ZBTB21: variants seen among roughly 807,000 people sequenced by gnomAD.
The protein encoded by ZBTB21 is zinc finger and BTB domain containing 21, also known as zinc finger and BTB domain-containing protein 21.
Under a neutral mutation model 39.8 loss-of-function variants are expected in ZBTB21, and 10 were observed. That is an observed-to-expected ratio of 0.25 (90% CI 0.16 to 0.43). The LOEUF is 0.43. ZBTB21 is among the 20% of genes least tolerant of loss of function. The pLI, the probability that ZBTB21 is intolerant of heterozygous loss-of-function variation, is 1.00. For synonymous variants in ZBTB21, 551 were observed against 498.8 expected (o/e 1.10, Z -1.40); for missense variants, 1,221 against 1,296.3 (o/e 0.94, Z 0.89).
intron 1 of ZBTB21, among the ~76,000 whole-genome samples, chr21:42,005,292 C>T (rs922644721): frequency 6.6e-6 from 1 of 152,224 alleles, no homozygotes; most frequent in Non-Finnish European, 1.5e-5. Context: ...GTGCTCCTCT[C>T]CCCTACCTCT....
In ZBTB21 at chr21:41,991,169, G is replaced by A; in HGVS notation, c.2927C>T (p.Pro976Leu). The A allele has an allele frequency of 1.2e-6, 2 of 1,614,178 alleles. No individual in the cohort carries two copies. Among genetic ancestry groups the A allele is most frequent in the Non-Finnish European group, 1.7e-6 (2 of 1,180,044 alleles). The change falls in exon 3 of 3, where the codon CCT (proline) becomes CTT (leucine). Residue 976 changes from proline (P) to leucine (L), a missense_variant. By Grantham distance (98) the Pro-to-Leu change is moderately conservative. This residue lies in a region of ZBTB21 where 523 missense variants were observed against 542.5 expected (regional missense o/e 0.96). Coordinates refer to ENST00000310826, the MANE Select transcript of ZBTB21 (RefSeq NM_001098402.2). The surrounding 1 kb of genome is among the most constrained non-coding windows in gnomAD (Gnocchi z 4.9). Reference protein sequence around the residue: ...ESAHKESEVCPVPTNSPSPPP... With the variant: ...ESAHKESEVCLVPTNSPSPPP... ...TGGAGAGGGAGAGTTTGTGGGAACAGGGCACACCTCAGATTCCTTATGTGC... is the reference window on the plus strand; with the variant it reads ...TGGAGAGGGAGAGTTTGTGGGAACAAGGCACACCTCAGATTCCTTATGTGC...
At chr21:42,010,000 C>A (rs1188927020) in intron 1 of ZBTB21, among the ~76,000 whole-genome samples, 1 of 152,222 alleles carries the variant, frequency 6.6e-6, no homozygotes, top group East Asian at 1.9e-4. Flanking sequence ...GAGGGCGAGG[C>A]CAAGTGCTGG....
chr21:42,007,688 A>G (rs2065896865), intron 1 of ZBTB21: 1 of 152,230 alleles, frequency 6.6e-6, no homozygotes, highest in African/African-American at 2.4e-5. Context: ...GTCTCCCCCA[A>G]GGGACTCCCT....
chr21:41,993,169 G>A lies in ZBTB21; in HGVS notation c.927C>T (p.Tyr309=). 1 of 1,613,834 alleles carries A rather than the reference G, an allele frequency of 6.2e-7. No individual in the cohort carries two copies. The highest frequency in any genetic ancestry group is 1.1e-5 in the South Asian group (1 of 91,070). The change falls in exon 3 of 3, where the codon TAC becomes TAT. Residue 309 remains tyrosine (Y), a synonymous_variant. Transcript: ENST00000310826. ...GGATCACTAAGCCTAACTTTGAATA[G>A]TACAACAAGTTTCTATCTTCACCTT... is the stretch of plus-strand genomic sequence containing the variant. ...NGQGEDRNLL[Y]YSKLGLVIPS...
At position 41,991,522 on chromosome 21, in the gene ZBTB21, C is replaced by T. The variant is rs376649370; in HGVS notation, c.2574G>A (p.Ser858=). 22 of 1,614,148 alleles carry T rather than the reference C, an allele frequency of 1.4e-5. No homozygotes were observed. Among genetic ancestry groups the T allele is most frequent in the East Asian group, 1.3e-4 (6 of 44,872 alleles). ...SDSSEQVNFD[S]EDSSCLPEDL... is the part of the protein sequence containing the mutation. ...CTTCGGGAAGACAAGAGGAATCTTC[C>T]GAGTCGAAGTTAACTTGTTCTGAAG... Residue 858 remains serine (S), a synonymous_variant, in exon 3 of 3, where the codon TCG becomes TCA. Coordinates refer to ENST00000310826, the MANE Select transcript of ZBTB21 (RefSeq NM_001098402.2). The surrounding 1 kb of genome is among the most constrained non-coding windows in gnomAD (Gnocchi z 4.9).
intron 2 of ZBTB21, 93 bp from the exon 3 acceptor site, chr21:41,994,201 G>A (rs1213010196): frequency 8.9e-7 from 1 of 1,126,798 alleles, no homozygotes; most frequent in Non-Finnish European, 1.3e-6. Flanking sequence ...CTTTGCATAG[G>A]TACCAATATT....
intron 1 of ZBTB21, among the ~76,000 whole-genome samples, chr21:42,004,498 G>C (rs538661661): frequency 1.3e-5 from 2 of 151,860 alleles, no homozygotes; most frequent in Non-Finnish European, 2.9e-5. Flanking sequence ...CAGGGGGTGA[G>C]TGAGGGGGTG....
Position 41,993,656 on chromosome 21 carries a change from CTCTTT to C in ZBTB21, c.435_439del (p.Arg147CysfsTer7), listed in dbSNP as rs749900315. The C allele has an allele frequency of 1.2e-6, 2 of 1,614,206 alleles. No homozygotes were observed. The highest frequency in any genetic ancestry group is 1.7e-6 in the Non-Finnish European group (2 of 1,180,036). On this transcript the variant is annotated frameshift_variant, in exon 3 of 3. Transcript: ENST00000310826. LOFTEE classifies it low-confidence loss of function (END_TRUNC). Reference sequence around the variant, plus strand: ...TCTACTTTGACAAACAATGACACTTCTCTTTTGAGAACTGTTTTCATCATCTTCTA... The same window carrying C: ...TCTACTTTGACAAACAATGACACTTCTGAGAACTGTTTTCATCATCTTCTA...
At chr21:42,009,253 C>G (rs2065924992) in intron 1 of ZBTB21, 1 of 152,182 alleles carries the variant, frequency 6.6e-6, no homozygotes, top group Non-Finnish European at 1.5e-5. Context: ...GGAATTCTCC[C>G]GAACCGCAGA....
rs1262320746 is a variant in ZBTB21, at chr21:41,988,489, A to G, written c.*2406T>C. On this transcript the variant is annotated 3_prime_UTR_variant, in exon 3 of 3. Coordinates refer to ENST00000310826, the MANE Select transcript of ZBTB21 (RefSeq NM_001098402.2). ...AACTTTACTGAATAAAGTAATTAAC[A>G]TATCTTTCATTATTTTACTTCTTAA... The G allele has an allele frequency of 6.6e-6, 1 of 152,212 alleles. No individual in the cohort carries two copies. Among genetic ancestry groups the G allele is most frequent in the African/African-American group, 2.4e-5 (1 of 41,464 alleles). 9.4% of individuals were successfully genotyped at this position (152,212 alleles called of 1,614,324 possible).
At chr21:42,004,499 T>A (rs2065855468) in intron 1 of ZBTB21, among the ~76,000 whole-genome samples, 1 of 151,026 alleles carries the variant, frequency 6.6e-6, no homozygotes, top group South Asian at 2.1e-4. Context: ...AGGGGGTGAG[T>A]GAGGGGGTGA....
rs1278007065 is a variant in ZBTB21, at chr21:41,993,524, A to G, written c.572T>C (p.Val191Ala). Residue 191 changes from valine (V) to alanine (A), a missense_variant, in exon 3 of 3, where the codon GTC (valine) becomes GCC (alanine). Coordinates refer to ENST00000310826, the MANE Select transcript of ZBTB21 (RefSeq NM_001098402.2). ...AVKANTNKPH[V>A]PKPIEPLHNL... is the part of the protein sequence containing the mutation. ...ATGAAGTGGTTCTATTGGTTTTGGG[A>G]CATGTGGCTTATTGGTATTGGCCTT... 1.2e-6 allele frequency: 2 copies of G among 1,614,098 alleles called. No homozygotes were observed. The highest frequency in any genetic ancestry group is 1.7e-6 in the Non-Finnish European group (2 of 1,180,046).
At chr21:42,008,914 T>C (rs2065918580) in intron 1 of ZBTB21, among the ~76,000 whole-genome samples, 1 of 152,230 alleles carries the variant, frequency 6.6e-6, no homozygotes, top group Non-Finnish European at 1.5e-5. Flanking sequence ...CATCATTTAC[T>C]CCAAGTACAC....
rs1439357201 is a variant in ZBTB21, at chr21:41,992,073, A to T, written c.2023T>A (p.Cys675Ser). 6.2e-7 allele frequency: 1 copy of T among 1,614,228 alleles called. No individual in the cohort carries two copies. Among genetic ancestry groups the T allele is most frequent in the Non-Finnish European group, 8.5e-7 (1 of 1,180,044 alleles). ...GAGAGAAAGCGGTACGCTTTTCCGC[A>T]GTAAGTACAAATGTAAGCTCCTTTG... ...RAKGAYICTY[C>S]GKAYRFLSQF... Residue 675 changes from cysteine to serine, a missense_variant, in exon 3 of 3, where the codon TGC (cysteine) becomes AGC (serine). This residue lies in a region of ZBTB21 where 523 missense variants were observed against 542.5 expected (regional missense o/e 0.96). Transcript: ENST00000310826. This position sits in a 1 kb window ranked among gnomAD's most constrained non-coding sequence, Gnocchi z 4.1.
Position 41,992,001 on chromosome 21 carries a change from C to T in ZBTB21, c.2095G>A (p.Gly699Arg). 6.2e-7 allele frequency: 1 copy of T among 1,614,168 alleles called. No homozygotes were observed. The highest frequency in any genetic ancestry group is 8.5e-7 in the Non-Finnish European group (1 of 1,180,042). Residue 699 changes from glycine to arginine, a missense_variant, in exon 3 of 3, where the codon GGA becomes AGA. By Grantham distance (125) the Gly-to-Arg change is moderately radical. Transcript: ENST00000310826. The surrounding 1 kb of genome is among the most constrained non-coding windows in gnomAD (Gnocchi z 4.1). ...TTTGGTTTAGCAACTTTATTTACTC[C>T]AAGGGGTTTTTCTCCTGGATGCATT... ...IKMHPGEKPL[G>R]VNKVAKPKEH...
intron 1 of ZBTB21, among the ~76,000 whole-genome samples, chr21:42,005,190 A>G (rs970313815): frequency 2.0e-5 from 3 of 152,208 alleles, no homozygotes; most frequent in African/African-American, 7.2e-5. Flanking sequence ...GTTTTCTTCC[A>G]GCCACTACAC....
chr21:41,990,890 G>T lies in ZBTB21; in HGVS notation c.*5C>A, dbSNP rs773516659. On this transcript the variant is annotated 3_prime_UTR_variant, in exon 3 of 3. Coordinates refer to ENST00000310826, the MANE Select transcript of ZBTB21 (RefSeq NM_001098402.2). ...TGCCTCCCATAGGTAAAAAGTGTTG[G>T]TCTTTCAATTGTGTGTTTGTTCGTG... 2 of 1,450,462 alleles carry T rather than the reference G, an allele frequency of 1.4e-6. No individual in the cohort carries two copies. Among genetic ancestry groups the T allele is most frequent in the South Asian group, 1.7e-5 (1 of 59,346 alleles). The allele number at this position is 1,450,462 out of a possible 1,614,324, so 89.8% of individuals were successfully genotyped here. A position where few individuals can be genotyped will look rare whatever the true frequency, so the allele number is the denominator to read the frequency against.
intron 1 of ZBTB21, among the ~76,000 whole-genome samples, chr21:42,007,508 C>CT (rs958570559): frequency 1.3e-5 from 2 of 152,216 alleles, no homozygotes; most frequent in Non-Finnish European, 2.9e-5. Flanking sequence ...TCTCTCTTCC[C>CT]TCTCCTTTAC....
intron 1 of ZBTB21, among the ~76,000 whole-genome samples, chr21:42,005,697 T>G (rs1213171951): frequency 1.3e-5 from 2 of 152,226 alleles, no homozygotes; most frequent in African/African-American, 4.8e-5. Flanking sequence ...AAAGCTTTGA[T>G]CGCTCACCCA....
Sources: gnomAD v4.1 joint callset for allele counts (sites outside exome capture counted in the v4.1 genomes callset) on GRCh38, gnomAD v4.1.1 for gene constraint, gnomAD v4.1.1 regional missense constraint, Gnocchi (gnomAD v3.1) non-coding constraint, MANE v1.5 for transcripts, NCBI Gene and HGNC (gene_info 2026-07-23, HGNC 2026-07-21) for gene names.